CAMTA1: variants seen among roughly 807,000 people sequenced by gnomAD.
CAMTA1 encodes the protein calmodulin binding transcription activator 1, also known as calmodulin-binding transcription activator 1.
CAMTA1 carries 27 observed loss-of-function variants against 170.9 expected under a neutral mutation model. The observed-to-expected ratio is 0.16, with a 90% CI of 0.12 to 0.22. The LOEUF (loss-of-function observed/expected upper bound fraction) is 0.22, where lower values mean the gene tolerates loss of function less well. Ranked by LOEUF, CAMTA1 falls within the 10% of genes least tolerant of loss-of-function variation. The pLI, the probability that CAMTA1 is intolerant of heterozygous loss-of-function variation, is 1.00. For synonymous variants in CAMTA1, 833 were observed against 891.5 expected, an observed-to-expected ratio of 0.93 and a Z score of 1.17; for missense variants, 1,619 against 2,217.2, an observed-to-expected ratio of 0.73 and a Z score of 5.42.
At position 7,606,841 on chromosome 1, in the gene CAMTA1, G is replaced by A. The variant is rs141564725; in HGVS notation, c.511-33559G>A. ...GTGAGGAGGGGTTTGGAGCCCCTGG[G>A]ATGGCTGGGGAGGAAATGGGGAGTG... On this transcript the variant is annotated intron_variant, in intron 6 of 22. Coordinates refer to ENST00000303635, the MANE Select transcript of CAMTA1 (RefSeq NM_015215.4). 1.4e-3 allele frequency among the ~76,000 whole-genome samples: 218 copies of A among 152,276 alleles called. 1 individual carries two copies. The highest frequency in any genetic ancestry group is 3.4e-3 in the Middle Eastern group (1 of 294).
intron 5 of CAMTA1, among the ~76,000 whole-genome samples, chr1:7,285,526 T>C (rs1329663648): frequency 6.6e-6 from 1 of 152,210 alleles, no homozygotes; most frequent in Non-Finnish European, 1.5e-5. Context: ...CTCGCCTGTC[T>C]CATGGCAGCT....
chr1:7,215,079 GCCTTC>G (rs1363392824), intron 4 of CAMTA1, among the ~76,000 whole-genome samples: 1 of 151,684 alleles, frequency 6.6e-6, no homozygotes, highest in Admixed American at 6.6e-5. Flanking sequence ...TATATAATAA[GCCTTC>G]ATCTGTATCC....
intron 3 of CAMTA1, among the ~76,000 whole-genome samples, chr1:6,980,536 G>T (rs1397651749): frequency 6.6e-6 from 1 of 152,160 alleles, no homozygotes. Context: ...GATTTGGTTT[G>T]TCTGTGTCCC....
In CAMTA1 at chr1:7,216,877, T is replaced by C. The variant is rs1309558472; in HGVS notation, c.303-32614T>C. 3.9e-5 allele frequency among the ~76,000 whole-genome samples: 6 copies of C among 152,336 alleles called. No individual in the cohort carries two copies. The East Asian group carries it at 1.2e-3, about 29-fold the overall frequency. On this transcript the variant is annotated intron_variant, in intron 4 of 22. Transcript: ENST00000303635. This position sits in a 1 kb window ranked among gnomAD's most constrained non-coding sequence, Gnocchi z 4.0. Reference sequence around the variant, plus strand: ...GGTGCACTAATACTCATTATGGTTATATTTTTATTGTGGAATGTGATTTTT... The same window carrying C: ...GGTGCACTAATACTCATTATGGTTACATTTTTATTGTGGAATGTGATTTTT...
chr1:7,692,121 T>C (rs548744532), intron 11 of CAMTA1, among the ~76,000 whole-genome samples: 2 of 152,078 alleles, frequency 1.3e-5, no homozygotes, highest in South Asian at 4.1e-4. Context: ...GGGTAGGGTG[T>C]CCAGGACTAA....
chr1:7,428,158 A>G (rs749893962), intron 5 of CAMTA1, among the ~76,000 whole-genome samples: 4 of 152,130 alleles, frequency 2.6e-5, no homozygotes, highest in Non-Finnish European at 5.9e-5. Flanking sequence ...ACGGGCAACC[A>G]TCAGACTCTG....
chr1:7,334,685 C>T (rs2083242735), intron 5 of CAMTA1, among the ~76,000 whole-genome samples: 1 of 152,168 alleles, frequency 6.6e-6, no homozygotes, highest in Non-Finnish European at 1.5e-5. Flanking sequence ...AAAATATACT[C>T]ACCAGATGTT....
At chr1:7,477,727 C>T (rs1281630903) in intron 6 of CAMTA1, among the ~76,000 whole-genome samples, 3 of 152,308 alleles carry the variant, frequency 2.0e-5, no homozygotes, top group Middle Eastern at 3.4e-3. Context: ...GACATCCAGT[C>T]GGCTTTCTCA....
chr1:7,238,047 A>C (rs527422861), intron 4 of CAMTA1, among the ~76,000 whole-genome samples: 13 of 152,350 alleles, frequency 8.5e-5, no homozygotes, highest in African/African-American at 3.1e-4. Context: ...ATCTTCTTTT[A>C]AAAAACATAC....
At chr1:6,793,544 A>G (rs868077456) in intron 1 of CAMTA1, among the ~76,000 whole-genome samples, 1 of 152,206 alleles carries the variant, frequency 6.6e-6, no homozygotes, top group South Asian at 2.1e-4. Context: ...TAGCCTGTGC[A>G]TTGTGCAGTG....
chr1:7,688,990 A>G (rs1815698), intron 11 of CAMTA1, among the ~76,000 whole-genome samples: 73,850 of 152,016 alleles, frequency 0.49, 18,126 homozygotes, highest in East Asian at 0.65. Flanking sequence ...GGCCGGGTGC[A>G]GTGGCTCATG....
At chr1:6,973,291 T>C (rs2149593373) in intron 3 of CAMTA1, among the ~76,000 whole-genome samples, 1 of 152,306 alleles carries the variant, frequency 6.6e-6, no homozygotes, top group East Asian at 1.9e-4. Context: ...TCCTCCCCCA[T>C]CTAGCTCCTG....
At chr1:7,046,928 A>C (rs533930345) in intron 3 of CAMTA1, among the ~76,000 whole-genome samples, 2 of 152,330 alleles carry the variant, frequency 1.3e-5, no homozygotes, top group East Asian at 3.9e-4. Context: ...TAGCCTTAGC[A>C]CTGAGAGTTG....
At chr1:6,855,185 A>T (rs1661832044) in intron 3 of CAMTA1, among the ~76,000 whole-genome samples, 1 of 152,196 alleles carries the variant, frequency 6.6e-6, no homozygotes, top group Non-Finnish European at 1.5e-5. Flanking sequence ...GCAATTTTAT[A>T]TGCCAACAAC....
At chr1:6,888,610 A>G (rs1673833395) in intron 3 of CAMTA1, among the ~76,000 whole-genome samples, 2 of 152,384 alleles carry the variant, frequency 1.3e-5, no homozygotes, top group South Asian at 4.1e-4. Context: ...AGTAAACAAG[A>G]TAAATCAAAA....
chr1:7,136,661 T>G (rs899171223), intron 4 of CAMTA1, among the ~76,000 whole-genome samples: 1 of 152,226 alleles, frequency 6.6e-6, no homozygotes, highest in East Asian at 1.9e-4. Context: ...GCTGTCTGGC[T>G]TTTGCCTTTA....
At chr1:7,103,935 CACAT>C (rs1421009679) in intron 4 of CAMTA1, among the ~76,000 whole-genome samples, 1 of 145,868 alleles carries the variant, frequency 6.9e-6, no homozygotes, top group Non-Finnish European at 1.5e-5. Context: ...CACAACTACA[CACAT>C]ACAGCACACA....
At chr1:7,203,167 T>C (rs1657019168) in intron 4 of CAMTA1, among the ~76,000 whole-genome samples, 1 of 152,222 alleles carries the variant, frequency 6.6e-6, no homozygotes, top group African/African-American at 2.4e-5. Flanking sequence ...TTTCAGATGC[T>C]GAACCAACCT....
At position 7,730,625 on chromosome 1, in the gene CAMTA1, G is replaced by A. The variant is rs111567936; in HGVS notation, c.2915-1823G>A. On this transcript the variant is annotated intron_variant, in intron 11 of 22. Transcript: ENST00000303635. ...AAATTTGTGAGGTGTGGCCAGGCAC[G>A]GGGTTTCAGCCTGTAATCCCAGCAC... Among the ~76,000 whole-genome samples, 92 of 152,286 alleles carry A rather than the reference G, an allele frequency of 6.0e-4. No individual in the cohort carries two copies. The Middle Eastern group carries it at 0.01, about 17-fold the overall frequency.
Sources: gnomAD v4.1 joint callset for allele counts (sites outside exome capture counted in the v4.1 genomes callset) on GRCh38, gnomAD v4.1.1 for gene constraint, Gnocchi (gnomAD v3.1) non-coding constraint, MANE v1.5 for transcripts, NCBI Gene and HGNC (gene_info 2026-07-23, HGNC 2026-07-21) for gene names.